The following SLIT2 variants were observed in gnomAD, a reference collection of about 807,000 sequenced individuals.
The protein encoded by SLIT2 is slit guidance ligand 2.
A neutral mutation model predicts 185.7 loss-of-function variants in SLIT2; 41 were observed. That is an observed-to-expected ratio of 0.22 (90% CI 0.17 to 0.29). The LOEUF is 0.29. SLIT2 is among the 10% of genes least tolerant of loss of function. The pLI is 1.00. For missense variants in SLIT2, 1,571 were observed against 1,909.0 expected (o/e 0.82, Z 3.30); for synonymous variants, 693 against 680.2 (o/e 1.02, Z -0.29).
intron 4 of SLIT2, among the ~76,000 whole-genome samples, chr4:20,422,339 T>G (rs2109468320): frequency 6.6e-6 from 1 of 152,278 alleles, no homozygotes; most frequent in South Asian, 2.1e-4. Context: ...TCATCTGTCT[T>G]TGGCTATTTG....
At chr4:20,381,931 A>G (rs1405708219) in intron 4 of SLIT2, among the ~76,000 whole-genome samples, 4 of 150,242 alleles carry the variant, frequency 2.7e-5, no homozygotes, top group African/African-American at 9.8e-5. Context: ...ATACATATGT[A>G]TTTATGCATA....
intron 4 of SLIT2, among the ~76,000 whole-genome samples, chr4:20,403,570 A>G (rs966786653): frequency 6.6e-6 from 1 of 151,962 alleles, no homozygotes; most frequent in Non-Finnish European, 1.5e-5. Flanking sequence ...TTGAATTGAG[A>G]AAAGACTACC....
intron 4 of SLIT2, among the ~76,000 whole-genome samples, chr4:20,358,719 T>G (rs1000503522): frequency 6.6e-6 from 1 of 152,144 alleles, no homozygotes; most frequent in African/African-American, 2.4e-5. Flanking sequence ...TCATTTCTAA[T>G]TTCAGTGAAT....
intron 14 of SLIT2, 41 bp from the exon 15 acceptor site, chr4:20,525,108 T>C: frequency 6.7e-7 from 1 of 1,493,298 alleles, no homozygotes; most frequent in Non-Finnish European, 9.3e-7. Context: ...CTTGCTGACA[T>C]TCAGGTGCAT....
chr4:20,431,197 C>A (rs1489975823), intron 4 of SLIT2, among the ~76,000 whole-genome samples: 1 of 152,040 alleles, frequency 6.6e-6, no homozygotes, highest in East Asian at 1.9e-4. Flanking sequence ...ACAATACTTT[C>A]TTTTACTATC....
intron 4 of SLIT2, among the ~76,000 whole-genome samples, chr4:20,448,549 G>A (rs536961623): frequency 1.2e-4 from 19 of 152,144 alleles, no homozygotes; most frequent in African/African-American, 4.1e-4. Flanking sequence ...TTGAATTCCC[G>A]ACCTCAGGTG....
rs148890008 is a variant in SLIT2, at chr4:20,417,896, T to C, written c.396-49856T>C. Reference sequence around the variant, plus strand: ...AAAAATCACTTCTTCTTGTGGCCCTTATAATCACTCACATCCTAAATGGCA... The same window carrying C: ...AAAAATCACTTCTTCTTGTGGCCCTCATAATCACTCACATCCTAAATGGCA... On this transcript the variant is annotated intron_variant, in intron 4 of 36. Transcript: ENST00000504154. Among the ~76,000 whole-genome samples, 532 of 152,240 alleles carry C rather than the reference T, an allele frequency of 3.5e-3. 3 individuals are homozygous for C. The highest frequency in any genetic ancestry group is 0.012 in the African/African-American group (506 of 41,526).
At chr4:20,329,080 A>G (rs1719846949) in intron 4 of SLIT2, among the ~76,000 whole-genome samples, 1 of 152,078 alleles carries the variant, frequency 6.6e-6, no homozygotes, top group Non-Finnish European at 1.5e-5. Flanking sequence ...AATGTCCACT[A>G]GATAGAAGAT....
Position 20,610,732 on chromosome 4 carries a change from G to T in SLIT2, c.3847+565G>T, listed in dbSNP as rs939370954. Among the ~76,000 whole-genome samples the T allele has an allele frequency of 3.3e-5, 5 of 152,136 alleles. 1 individual carries two copies. The highest frequency in any genetic ancestry group is 2.0e-4 in the Admixed American group (3 of 15,272). Reference sequence around the variant, plus strand: ...GAATGAATGAATGAACAAATTAAATGTACAAATTGTATTAGAATAACAATA... The same window carrying T: ...GAATGAATGAATGAACAAATTAAATTTACAAATTGTATTAGAATAACAATA... On this transcript the variant is annotated intron_variant, in intron 34 of 36. Transcript: ENST00000504154.
At chr4:20,542,700 C>A in intron 21 of SLIT2, 74 bp downstream of exon 21, 1 of 1,435,026 alleles carries the variant, frequency 7.0e-7, no homozygotes, top group Non-Finnish European at 9.7e-7. Flanking sequence ...GAGGAATGGA[C>A]AAAAATCTTT....
At chr4:20,388,795 A>G (rs1725146733) in intron 4 of SLIT2, among the ~76,000 whole-genome samples, 1 of 139,862 alleles carries the variant, frequency 7.1e-6, no homozygotes, top group Non-Finnish European at 1.5e-5. Flanking sequence ...AAAAAAAAAT[A>G]TATATATATA....
intron 4 of SLIT2, among the ~76,000 whole-genome samples, chr4:20,405,546 T>C (rs1260038642): frequency 6.6e-6 from 1 of 151,984 alleles, no homozygotes; most frequent in Non-Finnish European, 1.5e-5. Context: ...ATAATAATCT[T>C]TGTGCTTGCC....
chr4:20,564,979 C>T (rs548510288), intron 26 of SLIT2, among the ~76,000 whole-genome samples: 4 of 152,064 alleles, frequency 2.6e-5, no homozygotes, highest in Admixed American at 6.6e-5. Flanking sequence ...ATCCCCACTA[C>T]GTGGTAAAAT....
At chr4:20,303,457 CTTTTT>C in intron 4 of SLIT2, among the ~76,000 whole-genome samples, 1 of 147,764 alleles carries the variant, frequency 6.8e-6, no homozygotes, top group South Asian at 2.1e-4. Context: ...ATTACAGTTA[CTTTTT>C]TTTTTTATTT....
rs1560444349 is a variant in SLIT2 at position 20,463,452 on chromosome 4, T to TATATATAG, written c.396-4293_396-4292insGATATATA. On this transcript the variant is annotated intron_variant, in intron 4 of 36. Coordinates refer to ENST00000504154, the MANE Select transcript of SLIT2 (RefSeq NM_004787.4). ...TCTTCATTGACCTCAAACTGTGATA[T>TATATATAG]ATATATATATATATATATATATATA... is the stretch of plus-strand genomic sequence containing the variant. Among the ~76,000 whole-genome samples, 4 of 19,806 alleles carry TATATATAG rather than the reference T, an allele frequency of 2.0e-4. No individual in the cohort carries two copies. The East Asian group carries it at 0.018, about 91-fold the overall frequency. 13.0% of individuals were successfully genotyped at this position (19,806 alleles called of 152,430 possible). A position where few individuals can be genotyped will look rare whatever the true frequency, so the allele number is the denominator to read the frequency against.
chr4:20,394,614 C>T (rs1446630366), intron 4 of SLIT2: 1 of 151,994 alleles, frequency 6.6e-6, no homozygotes, highest in African/African-American at 2.4e-5. Flanking sequence ...AAGTACTTTA[C>T]CTTCTACCTT....
At chr4:20,409,132 G>A (rs2109422585) in intron 4 of SLIT2, among the ~76,000 whole-genome samples, 1 of 152,204 alleles carries the variant, frequency 6.6e-6, no homozygotes, top group East Asian at 1.9e-4. Flanking sequence ...TTACATAAAT[G>A]CCATGGTGGT....
intron 4 of SLIT2, among the ~76,000 whole-genome samples, chr4:20,342,912 C>T (rs1314946264): frequency 6.6e-6 from 1 of 151,420 alleles, no homozygotes; most frequent in Non-Finnish European, 1.5e-5. Flanking sequence ...CATTTTCTTT[C>T]TTTTCTTTCT....
intron 4 of SLIT2, among the ~76,000 whole-genome samples, chr4:20,310,530 G>C (rs1371576939): frequency 6.6e-6 from 1 of 152,082 alleles, no homozygotes; most frequent in Non-Finnish European, 1.5e-5. Flanking sequence ...TCCCTCTTAA[G>C]TATCTCTTCT....
Sources: allele counts gnomAD v4.1 joint callset (sites outside exome capture counted in the v4.1 genomes callset), GRCh38; gene constraint gnomAD v4.1.1; transcripts MANE v1.5; gene names NCBI Gene and HGNC (gene_info 2026-07-23, HGNC 2026-07-21).